The following ZNF438 variants were observed in gnomAD, a reference collection of about 807,000 sequenced individuals.
The protein encoded by ZNF438 is zinc finger protein 438.
Under a neutral mutation model 38.0 loss-of-function variants are expected in ZNF438, and 25 were observed. The observed-to-expected ratio is 0.66, with a 90% confidence interval of 0.48 to 0.92. ZNF438 has a LOEUF of 0.92. Among genes scored for constraint, ZNF438 ranks in the 40% least tolerant of loss-of-function variants. ZNF438 has a pLI of 0.00. For missense variants in ZNF438, 1,007 were observed against 999.6 expected, an observed-to-expected ratio of 1.01 and a Z score of -0.10; for synonymous variants, 372 against 364.1, an observed-to-expected ratio of 1.02 and a Z score of -0.25.
chr10:30,889,657 C>T (rs923762203), intron 3 of ZNF438, among the ~76,000 whole-genome samples: 32 of 152,324 alleles, frequency 2.1e-4, no homozygotes, highest in Admixed American at 3.9e-4. Context: ...CTGCCCACCT[C>T]GGCCTCCCGA....
At chr10:30,968,055 A>C (rs2050325325) in intron 1 of ZNF438, among the ~76,000 whole-genome samples, 1 of 152,240 alleles carries the variant, frequency 6.6e-6, no homozygotes, top group African/African-American at 2.4e-5. Flanking sequence ...TAAATTTATA[A>C]CGGCATGATA....
chr10:30,918,534 G>C (rs1419814518), intron 2 of ZNF438, among the ~76,000 whole-genome samples: 1 of 151,996 alleles, frequency 6.6e-6, no homozygotes, highest in African/African-American at 2.4e-5. Context: ...TTCTATTAAT[G>C]ATCATCTCAA....
chr10:30,861,761 GTTTGTT>G (rs74772456), intron 4 of ZNF438, among the ~76,000 whole-genome samples: 21,032 of 152,134 alleles, frequency 0.14, 1,666 homozygotes, highest in Non-Finnish European at 0.18. Context: ...ATGAAATTAT[GTTTGTT>G]TTTAATACAT....
intron 1 of ZNF438, among the ~76,000 whole-genome samples, chr10:30,978,959 G>A (rs950597154): frequency 1.3e-5 from 2 of 152,124 alleles, no homozygotes; most frequent in African/African-American, 4.8e-5. Context: ...CGAATATAAG[G>A]CTGTTTCATT....
chr10:31,029,296 C>T (rs2057132530), intron 1 of ZNF438, among the ~76,000 whole-genome samples: 1 of 144,466 alleles, frequency 6.9e-6, no homozygotes, highest in African/African-American at 2.6e-5. Context: ...TACTTAAAAC[C>T]CTGCCTGGGA....
intron 1 of ZNF438, among the ~76,000 whole-genome samples, chr10:30,964,716 A>G (rs1432753843): frequency 6.6e-6 from 1 of 152,244 alleles, no homozygotes; most frequent in East Asian, 1.9e-4. Flanking sequence ...ACTTGGGCAC[A>G]GAATGTTGTG....
Position 30,932,248 on chromosome 10 carries a change from GTCTC to G in ZNF438, c.-115+9323_-115+9326del, listed in dbSNP as rs1193509741. 5.3e-5 allele frequency among the ~76,000 whole-genome samples: 8 copies of G among 152,002 alleles called. No homozygotes were observed. In the East Asian group the frequency reaches 1.2e-3, roughly 22 times the overall value. On this transcript the variant is annotated intron_variant, in intron 2 of 5. Coordinates refer to ENST00000413025, the Ensembl canonical transcript of ZNF438. ...TAAAAAAAAACTTATTAAAATTCTA[GTCTC>G]TCTCTTTTTATTTTTTCATGCAACA...
chr10:30,845,339 C>G (rs1177954836), exon 6 of ZNF438: 6 of 1,614,174 alleles, frequency 3.7e-6, no homozygotes, highest in Non-Finnish European at 5.1e-6. Flanking sequence ...TCTCAGGATG[C>G]CTTTTCCAGT....
At chr10:31,011,497 G>T (rs929756280) in intron 1 of ZNF438, among the ~76,000 whole-genome samples, 2 of 152,184 alleles carry the variant, frequency 1.3e-5, no homozygotes, top group Non-Finnish European at 2.9e-5. Flanking sequence ...GAAAGACAAG[G>T]TGAGGACAAA....
rs112010775 is a variant in ZNF438 at position 30,982,099 on chromosome 10, C to T, written c.-191-40448G>A. On this transcript the variant is annotated intron_variant, in intron 1 of 5. Coordinates refer to ENST00000413025, the Ensembl canonical transcript of ZNF438. The stretch of plus-strand genomic sequence containing the variant: ...TGAGAAAACCATCCTTTTTCTCTTT[C>T]TTTTTTTTTTTTTTATTTTTGAGAT... Among the ~76,000 whole-genome samples the T allele has an allele frequency of 1.1e-3, 100 of 90,822 alleles. 3 individuals carry two copies. Among genetic ancestry groups the T allele is most frequent in the Middle Eastern group, 5.5e-3 (1 of 182 alleles). The allele number at this position is 90,822 out of a possible 152,430, so 59.6% of individuals were successfully genotyped here. A position where few individuals can be genotyped will look rare whatever the true frequency, so the allele number is the denominator to read the frequency against.
In ZNF438 at chr10:31,006,223, T is replaced by C. The variant is rs150192916; in HGVS notation, c.-192+25610A>G. On this transcript the variant is annotated intron_variant, in intron 1 of 5. Coordinates refer to ENST00000413025, the Ensembl canonical transcript of ZNF438. Reference sequence around the variant, plus strand: ...TAGCTTCAGGATGGAGGCTGGACACTAGAAAGACCAAAGCTTGATTAGAGG... The same window carrying C: ...TAGCTTCAGGATGGAGGCTGGACACCAGAAAGACCAAAGCTTGATTAGAGG... Among the ~76,000 whole-genome samples, 328 of 152,272 alleles carry C rather than the reference T, an allele frequency of 2.2e-3. 2 individuals carry two copies. The highest frequency in any genetic ancestry group is 7.5e-3 in the African/African-American group (310 of 41,548).
At chr10:30,874,305 C>T (rs57451403) in intron 4 of ZNF438, among the ~76,000 whole-genome samples, 1,798 of 151,716 alleles carry the variant, frequency 0.012, 40 homozygotes, top group African/African-American at 0.041. Flanking sequence ...TGAGCCATCA[C>T]GCCTAGCTAA....
rs116894683 is a variant in ZNF438, at chr10:30,903,010, G to A, written c.-32+5923C>T. Among the ~76,000 whole-genome samples the A allele has an allele frequency of 5.4e-4, 80 of 147,568 alleles. No individual in the cohort carries two copies. The East Asian group carries it at 0.013, about 23-fold the overall frequency. The stretch of plus-strand genomic sequence containing the variant: ...CGCAGCGCCGCACTGCTGGGGGACC[G>A]GATGCACCCTCCGCAGCTGCTGGCC... On this transcript the variant is annotated intron_variant, in intron 3 of 5. Transcript: ENST00000413025.
intron 2 of ZNF438, among the ~76,000 whole-genome samples, chr10:30,915,402 G>A (rs995612713): frequency 6.6e-6 from 1 of 151,972 alleles, no homozygotes; most frequent in African/African-American, 2.4e-5. Context: ...TGTATATTTA[G>A]GTACTTCATA....
At chr10:30,878,483 T>G (rs1405902744) in intron 3 of ZNF438, among the ~76,000 whole-genome samples, 1 of 152,012 alleles carries the variant, frequency 6.6e-6, no homozygotes, top group East Asian at 1.9e-4. Context: ...TAAATAAAAT[T>G]ATCTGCCTCC....
Position 30,983,617 on chromosome 10 carries a change from A to G in ZNF438, c.-191-41966T>C, listed in dbSNP as rs1000203688. Among the ~76,000 whole-genome samples, 4 of 152,338 alleles carry G rather than the reference A, an allele frequency of 2.6e-5. No homozygotes were observed. In the South Asian group the frequency reaches 8.3e-4, roughly 32 times the overall value. Reference sequence around the variant, plus strand: ...GGACACAAATCCAAAGCATATCACCAATGTTAAAAAAATAAAATTGCATAC... The same window carrying G: ...GGACACAAATCCAAAGCATATCACCGATGTTAAAAAAATAAAATTGCATAC... On this transcript the variant is annotated intron_variant, in intron 1 of 5. Coordinates refer to ENST00000413025, the Ensembl canonical transcript of ZNF438.
intron 4 of ZNF438, among the ~76,000 whole-genome samples, chr10:30,857,528 T>C (rs1338669417): frequency 1.3e-5 from 2 of 152,258 alleles, no homozygotes; most frequent in African/African-American, 2.4e-5. Context: ...GTGTTGGGAT[T>C]ACAGGTATGA....
At chr10:30,988,405 T>A (rs1209315213) in intron 1 of ZNF438, among the ~76,000 whole-genome samples, 3 of 151,934 alleles carry the variant, frequency 2.0e-5, no homozygotes, top group Admixed American at 6.6e-5. Flanking sequence ...ATTTTTAAAA[T>A]TTTTTTTCCA....
rs572007561 is a variant in ZNF438, at chr10:30,911,168, G to T, written c.-114-2153C>A. On this transcript the variant is annotated intron_variant, in intron 2 of 5. Coordinates refer to ENST00000413025, the Ensembl canonical transcript of ZNF438. ...AGTAAGGTTTACAAAAAAATATAAA[G>T]CAAAAAAATCCCTTGGCCAAATAAA... Among the ~76,000 whole-genome samples the T allele has an allele frequency of 2.0e-5, 3 of 152,018 alleles. No individual in the cohort carries two copies. The South Asian group carries it at 6.2e-4, about 32-fold the overall frequency.
Sources: allele counts gnomAD v4.1 joint callset (sites outside exome capture counted in the v4.1 genomes callset), GRCh38; gene constraint gnomAD v4.1.1; transcripts MANE v1.5; gene names NCBI Gene and HGNC (gene_info 2026-07-23, HGNC 2026-07-21).